The following NTSR1 variants were observed in gnomAD, a reference collection of about 807,000 sequenced individuals.
NTSR1 encodes the protein neurotensin receptor type 1.
A neutral mutation model predicts 31.2 loss-of-function variants in NTSR1; 29 were observed. The observed-to-expected ratio is 0.93, with a 90% CI of 0.69 to 1.27. The LOEUF is 1.27. Among genes scored for constraint, NTSR1 ranks in the 50% most tolerant of loss-of-function variants. NTSR1 has a pLI of 0.00. For missense variants in NTSR1, 697 were observed against 595.4 expected, an observed-to-expected ratio of 1.17 and a Z score of -1.78; for synonymous variants, 282 against 269.9, an observed-to-expected ratio of 1.04 and a Z score of -0.44.
rs73918678 is a variant in NTSR1 at position 62,753,376 on chromosome 20, T to C, written c.715-1309T>C. Among the ~76,000 whole-genome samples, 1,095 of 152,342 alleles carry C rather than the reference T, an allele frequency of 7.2e-3. 10 individuals carry two copies. Among genetic ancestry groups the C allele is most frequent in the African/African-American group, 0.025 (1,043 of 41,586 alleles). ...ACCGGGACCATCCTGACTTGGACTGTTGAGGCCATGTGGCTCTGCCCTCCC... is the reference window on the plus strand; with the variant it reads ...ACCGGGACCATCCTGACTTGGACTGCTGAGGCCATGTGGCTCTGCCCTCCC... On this transcript the variant is annotated intron_variant, in intron 1 of 3. Transcript: ENST00000370501.
chr20:62,729,529 G>C (rs1485644653), intron 1 of NTSR1, among the ~76,000 whole-genome samples: 1 of 152,106 alleles, frequency 6.6e-6, no homozygotes, highest in African/African-American at 2.4e-5. Context: ...ATCTCCCCCA[G>C]GGGTGCTTCC....
chr20:62,713,327 C>G (rs1242508654), intron 1 of NTSR1, among the ~76,000 whole-genome samples: 2 of 152,226 alleles, frequency 1.3e-5, no homozygotes, highest in Admixed American at 1.3e-4. Flanking sequence ...CAGGGGCAGA[C>G]AGGGGCCTCA....
At position 62,709,200 on chromosome 20, in the gene NTSR1, C is replaced by T; in HGVS notation, c.-8C>T. ...CGCCGGACAGAGCCGCGGACTCCAGCGCCCACCATGCGCCTCAACAGCTCC... is the reference window on the plus strand; with the variant it reads ...CGCCGGACAGAGCCGCGGACTCCAGTGCCCACCATGCGCCTCAACAGCTCC... On this transcript the variant is annotated 5_prime_UTR_variant, in exon 1 of 4. Coordinates refer to ENST00000370501, the MANE Select transcript of NTSR1 (RefSeq NM_002531.3). 4.2e-6 allele frequency: 6 copies of T among 1,427,356 alleles called. No individual in the cohort carries two copies. Among genetic ancestry groups the T allele is most frequent in the Non-Finnish European group, 5.5e-6 (6 of 1,099,590 alleles). 88.4% of individuals were successfully genotyped at this position (1,427,356 alleles called of 1,614,324 possible). A position where few individuals can be genotyped will look rare whatever the true frequency, so the allele number is the denominator to read the frequency against.
At chr20:62,754,269 C>T (rs937349528) in intron 1 of NTSR1, among the ~76,000 whole-genome samples, 5 of 152,178 alleles carry the variant, frequency 3.3e-5, no homozygotes, top group African/African-American at 7.2e-5. Context: ...TCCCACAGGA[C>T]GGGCCTTGGG....
intron 1 of NTSR1, among the ~76,000 whole-genome samples, chr20:62,720,885 A>T (rs908302032): frequency 6.6e-6 from 1 of 152,080 alleles, no homozygotes. Flanking sequence ...TCCCTCTTTA[A>T]CCTTTGTGTT....
At chr20:62,727,124 TG>T (rs1224636491) in intron 1 of NTSR1, among the ~76,000 whole-genome samples, 2 of 152,122 alleles carry the variant, frequency 1.3e-5, no homozygotes, top group Non-Finnish European at 2.9e-5. Flanking sequence ...CTCATCCGCC[TG>T]GGAAGCGGGT....
chr20:62,749,184 A>T (rs1035660399), intron 1 of NTSR1, among the ~76,000 whole-genome samples: 1 of 152,152 alleles, frequency 6.6e-6, no homozygotes, highest in Non-Finnish European at 1.5e-5. Flanking sequence ...GCTCACGCCT[A>T]TAATCCCAGC....
At chr20:62,752,285 T>C (rs2147146999) in intron 1 of NTSR1, among the ~76,000 whole-genome samples, 1 of 152,048 alleles carries the variant, frequency 6.6e-6, no homozygotes, top group African/African-American at 2.4e-5. Context: ...GTTGTGGAGG[T>C]GGGGGGCAGC....
intron 2 of NTSR1, among the ~76,000 whole-genome samples, chr20:62,756,255 A>G (rs1989511367): frequency 6.6e-6 from 1 of 152,178 alleles, no homozygotes; most frequent in Non-Finnish European, 1.5e-5. Context: ...GCATCCTGCA[A>G]GTCCCAAGGA....
rs1488755915 is a variant in NTSR1, at chr20:62,741,542, C to A, written c.715-13143C>A. Among the ~76,000 whole-genome samples the A allele has an allele frequency of 6.7e-6, 1 of 149,688 alleles. No homozygotes were observed. Among genetic ancestry groups the A allele is most frequent in the Non-Finnish European group, 1.5e-5 (1 of 68,022 alleles). On this transcript the variant is annotated intron_variant, in intron 1 of 3. Coordinates refer to ENST00000370501, the MANE Select transcript of NTSR1 (RefSeq NM_002531.3). This position sits in a 1 kb window ranked among gnomAD's most constrained non-coding sequence, Gnocchi z 4.3. Reference sequence around the variant, plus strand: ...TGCCCCACACCATGTTCCTCCCACCCCATGTCTGTGCGCCCCTTCGAGCAT... The same window carrying A: ...TGCCCCACACCATGTTCCTCCCACCACATGTCTGTGCGCCCCTTCGAGCAT...
Position 62,714,916 on chromosome 20 carries a change from G to A in NTSR1, c.714+4995G>A, listed in dbSNP as rs1988684712. ...TTCTTGTTGTCCAGAGCTGTTGTGGGTATGGTTTTCAAAATGGTCCTGCTC... is the reference window on the plus strand; with the variant it reads ...TTCTTGTTGTCCAGAGCTGTTGTGGATATGGTTTTCAAAATGGTCCTGCTC... On this transcript the variant is annotated intron_variant, in intron 1 of 3. Coordinates refer to ENST00000370501, the MANE Select transcript of NTSR1 (RefSeq NM_002531.3). The surrounding 1 kb of genome is among the most constrained non-coding windows in gnomAD (Gnocchi z 4.1). Among the ~76,000 whole-genome samples, 1 of 152,162 alleles carries A rather than the reference G, an allele frequency of 6.6e-6. No individual in the cohort carries two copies. Among genetic ancestry groups the A allele is most frequent in the Admixed American group, 6.5e-5 (1 of 15,274 alleles).
At chr20:62,740,022 C>T (rs1267931158) in intron 1 of NTSR1, among the ~76,000 whole-genome samples, 1 of 152,264 alleles carries the variant, frequency 6.6e-6, no homozygotes, top group East Asian at 1.9e-4. Context: ...AGCAGCTCCT[C>T]CTTGGTCACA....
At chr20:62,754,517 G>A (rs778563666) in intron 1 of NTSR1, among the ~76,000 whole-genome samples, 168 bp from the exon 2 acceptor site, 1 of 152,120 alleles carries the variant, frequency 6.6e-6, no homozygotes, top group Non-Finnish European at 1.5e-5. Flanking sequence ...GCCAGGGGTG[G>A]CCATGTCTTC....
chr20:62,749,170 G>A (rs958020786), intron 1 of NTSR1, among the ~76,000 whole-genome samples: 5 of 152,136 alleles, frequency 3.3e-5, no homozygotes, highest in South Asian at 2.1e-4. Flanking sequence ...GGCCGGGCGC[G>A]GTGGCTCACG....
Position 62,726,493 on chromosome 20 carries a change from A to G in NTSR1, c.714+16572A>G, listed in dbSNP as rs1988908911. On this transcript the variant is annotated intron_variant, in intron 1 of 3. Coordinates refer to ENST00000370501, the MANE Select transcript of NTSR1 (RefSeq NM_002531.3). Reference sequence around the variant, plus strand: ...AGCACGGCATCCCCACTGCCTGCCCACCGGTCCCCAGGAGAATCAGCCATC... The same window carrying G: ...AGCACGGCATCCCCACTGCCTGCCCGCCGGTCCCCAGGAGAATCAGCCATC... Among the ~76,000 whole-genome samples the G allele has an allele frequency of 2.0e-5, 3 of 152,152 alleles. No individual in the cohort carries two copies. The South Asian group carries it at 6.2e-4, about 31-fold the overall frequency.
chr20:62,753,228 G>C (rs147937057), intron 1 of NTSR1, among the ~76,000 whole-genome samples: 342 of 152,324 alleles, frequency 2.2e-3, no homozygotes, highest in African/African-American at 8.0e-3. Context: ...GCCTCAGCCG[G>C]TGCCCAGAGG....
intron 1 of NTSR1, among the ~76,000 whole-genome samples, chr20:62,728,742 C>T (rs767464984): frequency 1.1e-3 from 165 of 152,312 alleles, no homozygotes; most frequent in Middle Eastern, 3.4e-3. Flanking sequence ...GCAGGTTTCA[C>T]GGCAGCCACT....
chr20:62,709,624 C>T lies in NTSR1; in HGVS notation c.417C>T (p.Ala139=), dbSNP rs770559370. The T allele has an allele frequency of 2.5e-6, 4 of 1,611,856 alleles. No homozygotes were observed. Among genetic ancestry groups the T allele is most frequent in the Admixed American group, 1.7e-5 (1 of 60,020 alleles). The part of the protein sequence containing the change: ...WVHHPWAFGD[A]GCRGYYFLRD... Reference sequence around the variant, plus strand: ...ACCACCCCTGGGCCTTCGGCGACGCCGGCTGCCGCGGCTACTACTTCCTGC... The same window carrying T: ...ACCACCCCTGGGCCTTCGGCGACGCTGGCTGCCGCGGCTACTACTTCCTGC... Residue 139 remains alanine, a synonymous_variant, in exon 1 of 4, where the codon GCC becomes GCT. Transcript: ENST00000370501.
chr20:62,712,250 T>A (rs117161424), intron 1 of NTSR1, among the ~76,000 whole-genome samples: 1 of 152,214 alleles, frequency 6.6e-6, no homozygotes, highest in Non-Finnish European at 1.5e-5. Context: ...TTGGCAGATC[T>A]GGGCAAACAT....
Sources: gnomAD v4.1 joint callset for allele counts (sites outside exome capture counted in the v4.1 genomes callset) on GRCh38, gnomAD v4.1.1 for gene constraint, Gnocchi (gnomAD v3.1) non-coding constraint, MANE v1.5 for transcripts, NCBI Gene and HGNC (gene_info 2026-07-23, HGNC 2026-07-21) for gene names.